Variants in MAP4K5 observed in about 807,000 individuals in gnomAD.
MAP4K5 encodes the protein mitogen-activated protein kinase kinase kinase kinase 5, also known as MAPK/ERK kinase kinase kinase 5.
A neutral mutation model predicts 135.6 loss-of-function variants in MAP4K5; 82 were observed. The ratio of observed to expected loss-of-function variants is 0.60; its 90% CI spans 0.51 to 0.73. The LOEUF (loss-of-function observed/expected upper bound fraction) is 0.73. Among genes scored for constraint, MAP4K5 ranks in the 30% least tolerant of loss-of-function variants. MAP4K5 has a pLI of 0.00. For missense variants in MAP4K5, 907 were observed against 1,010.9 expected (o/e 0.90, Z 1.39); for synonymous variants, 347 against 335.0 (o/e 1.04, Z -0.39).
intron 31 of MAP4K5, among the ~76,000 whole-genome samples, chr14:50,424,510 G>T (rs1391712367): frequency 1.3e-5 from 2 of 152,032 alleles, no homozygotes; most frequent in African/African-American, 2.4e-5. Flanking sequence ...AGAAGTTCGA[G>T]ACCAGCCTGG....
At position 50,425,901 on chromosome 14, in the gene MAP4K5, G is replaced by A. The variant is rs1294083967; in HGVS notation, c.2397+6C>T. On this transcript the variant is annotated splice_donor_region_variant and intron_variant, in intron 31 of 32. Coordinates refer to ENST00000682126, the MANE Select transcript of MAP4K5 (RefSeq NM_006575.6). Reference sequence around the variant, plus strand: ...GAGTCAGTGGAGGTAATCTGAGAAGGCTTACCTCATCTGACTTGAAGCTTT... The same window carrying A: ...GAGTCAGTGGAGGTAATCTGAGAAGACTTACCTCATCTGACTTGAAGCTTT... 6.2e-6 allele frequency: 10 copies of A among 1,606,626 alleles called. No homozygotes were observed. The highest frequency in any genetic ancestry group is 1.3e-5 in the African/African-American group (1 of 74,738).
chr14:50,542,006 C>CA lies in MAP4K5; in HGVS notation c.-94+492dup, dbSNP rs59075218. Reference sequence around the variant, plus strand: ...TGGGCGACAGAGCGAGATTCCGTCTCAAAAAAAAAAAAAAAAAAAAAAAAA... The same window carrying CA: ...TGGGCGACAGAGCGAGATTCCGTCTCAAAAAAAAAAAAAAAAAAAAAAAAAA... On this transcript the variant is annotated intron_variant, in intron 2 of 8. Coordinates refer to the MAP4K5 transcript ENST00000555216. Among the ~76,000 whole-genome samples, 20 of 62,478 alleles carry CA rather than the reference C, an allele frequency of 3.2e-4. 3 individuals carry two copies. The highest frequency in any genetic ancestry group is 7.1e-4 in the African/African-American group (9 of 12,630). The allele number at this position is 62,478 out of a possible 152,430, so 41.0% of individuals were successfully genotyped here.
chr14:50,460,263 GACTAT>G (rs1182720328), intron 13 of MAP4K5, among the ~76,000 whole-genome samples: 1 of 151,954 alleles, frequency 6.6e-6, no homozygotes, highest in Non-Finnish European at 1.5e-5. Context: ...TTTCCTTTGA[GACTAT>G]ACTATGAGCG....
intron 3 of MAP4K5, among the ~76,000 whole-genome samples, chr14:50,501,702 G>C (rs1246321249): frequency 1.3e-5 from 2 of 152,032 alleles, no homozygotes; most frequent in Admixed American, 6.6e-5. Flanking sequence ...GTCAGATAAA[G>C]TTATATTCAA....
chr14:50,545,345 A>G (rs902591987), intron 1 of MAP4K5, among the ~76,000 whole-genome samples: 2 of 152,194 alleles, frequency 1.3e-5, no homozygotes, highest in Admixed American at 1.3e-4. Flanking sequence ...ATTATTCTAT[A>G]AAATCCTGGG....
upstream of MAP4K5, among the ~76,000 whole-genome samples, chr14:50,534,583 T>C (rs2038469020): frequency 2.0e-5 from 3 of 152,236 alleles, no homozygotes. Context: ...AACAAGACCC[T>C]GGAGTGCGGA....
At chr14:50,515,148 C>A (rs970869168) in intron 2 of MAP4K5, among the ~76,000 whole-genome samples, 1 of 152,084 alleles carries the variant, frequency 6.6e-6, no homozygotes, top group African/African-American at 2.4e-5. Context: ...GTGATCTGCC[C>A]GCCTTGGCCT....
chr14:50,443,611 T>A (rs562914940), intron 20 of MAP4K5, 118 bp downstream of exon 20: 595 of 801,996 alleles, frequency 7.4e-4, no homozygotes, highest in Non-Finnish European at 9.2e-4. Context: ...ATGCATTCAA[T>A]ATCTTTGTAT....
intron 30 of MAP4K5, among the ~76,000 whole-genome samples, chr14:50,428,266 CTATCT>C (rs1490722749): frequency 6.6e-6 from 1 of 151,618 alleles, no homozygotes; most frequent in African/African-American, 2.4e-5. Flanking sequence ...GAGAACATTT[CTATCT>C]TTTTTTTTTT....
chr14:50,512,909 T>C (rs1410541127), intron 2 of MAP4K5, among the ~76,000 whole-genome samples: 1 of 152,192 alleles, frequency 6.6e-6, no homozygotes, highest in African/African-American at 2.4e-5. Flanking sequence ...TCCTGCATTA[T>C]GTTTATAAAA....
At chr14:50,457,370 T>C (rs1429159988) in intron 13 of MAP4K5, among the ~76,000 whole-genome samples, 2 of 152,136 alleles carry the variant, frequency 1.3e-5, no homozygotes, top group East Asian at 1.9e-4. Context: ...ACAGGGAGAT[T>C]GAGTAAGAAT....
upstream of MAP4K5, among the ~76,000 whole-genome samples, chr14:50,537,264 C>T (rs989311909): frequency 7.9e-5 from 12 of 152,212 alleles, no homozygotes; most frequent in African/African-American, 1.9e-4. Flanking sequence ...GCAGCTTCCA[C>T]GTGGTGTTGA....
At chr14:50,487,934 GT>G (rs1278948753) in intron 3 of MAP4K5, among the ~76,000 whole-genome samples, 1 of 151,954 alleles carries the variant, frequency 6.6e-6, no homozygotes, top group Admixed American at 6.6e-5. Flanking sequence ...CATCTTTCAT[GT>G]TTGAAAAAAC....
intron 6 of MAP4K5, among the ~76,000 whole-genome samples, chr14:50,477,926 G>T (rs2037139422): frequency 6.6e-6 from 1 of 152,050 alleles, no homozygotes; most frequent in Non-Finnish European, 1.5e-5. Context: ...TTGTTCTCTT[G>T]TAAGATTGTT....
intron 5 of MAP4K5, among the ~76,000 whole-genome samples, chr14:50,485,125 T>A (rs2037336115): frequency 6.6e-6 from 1 of 152,102 alleles, no homozygotes; most frequent in South Asian, 2.1e-4. Context: ...CTGCCTAAAT[T>A]AATATGAATA....
chr14:50,551,766 T>G (rs530195000), intron 1 of MAP4K5, among the ~76,000 whole-genome samples: 1 of 152,106 alleles, frequency 6.6e-6, no homozygotes, highest in Non-Finnish European at 1.5e-5. Context: ...AAAAATTATG[T>G]GATAATCTCA....
Position 50,532,132 on chromosome 14 carries a change from A to T in MAP4K5, c.-83T>A. On this transcript the variant is annotated 5_prime_UTR_variant, in exon 2 of 33. The change creates a new upstream start codon in the 5' untranslated region. Coordinates refer to ENST00000682126, the MANE Select transcript of MAP4K5 (RefSeq NM_006575.6). The stretch of plus-strand genomic sequence containing the variant: ...CAAGCACGAACGGCGCCGCTTCCCA[A>T]CATGGAGCCTCCGCCCGCAGCTCCG... 1.2e-6 allele frequency: 1 copy of T among 827,212 alleles called. No homozygotes were observed. Among genetic ancestry groups the T allele is most frequent in the Non-Finnish European group, 1.9e-6 (1 of 522,670 alleles). The allele number at this position is 827,212 out of a possible 1,614,324, so 51.2% of individuals were successfully genotyped here. A position where few individuals can be genotyped will look rare whatever the true frequency, so the allele number is the denominator to read the frequency against.
At chr14:50,493,582 GAACA>G (rs754415953) in intron 3 of MAP4K5, among the ~76,000 whole-genome samples, 3 of 151,742 alleles carry the variant, frequency 2.0e-5, no homozygotes, top group Admixed American at 6.6e-5. Context: ...AAATCTATTA[GAACA>G]AATAAACAAA....
chr14:50,525,724 G>C (rs2038249899), intron 2 of MAP4K5, among the ~76,000 whole-genome samples: 1 of 152,128 alleles, frequency 6.6e-6, no homozygotes, highest in African/African-American at 2.4e-5. Context: ...GTGTGTGCCA[G>C]TCCCAGCTAC....
Sources: gnomAD v4.1 joint callset for allele counts (sites outside exome capture counted in the v4.1 genomes callset) on GRCh38, gnomAD v4.1.1 for gene constraint, MANE v1.5 for transcripts, NCBI Gene and HGNC (gene_info 2026-07-23, HGNC 2026-07-21) for gene names.